The following PTPN11 variants were observed in gnomAD, a reference collection of about 807,000 sequenced individuals.
PTPN11 encodes the protein protein tyrosine phosphatase non-receptor type 11.
In PTPN11, 6 loss-of-function variants were observed where a neutral mutation model predicts 78.8. The observed-to-expected ratio is 0.08, with a 90% CI of 0.04 to 0.15. PTPN11 has a LOEUF of 0.15. Among genes scored for constraint, PTPN11 ranks in the 10% least tolerant of loss-of-function variants. The pLI, the probability that PTPN11 is intolerant of heterozygous loss-of-function variation, is 1.00. For synonymous variants in PTPN11, 221 were observed against 263.5 expected (o/e 0.84, Z 1.56); for missense variants, 386 against 744.8 (o/e 0.52, Z 5.61).
At chr12:112,489,622 A>G (rs2135917355) in intron 13 of PTPN11, among the ~76,000 whole-genome samples, 1 of 152,294 alleles carries the variant, frequency 6.6e-6, no homozygotes, top group African/African-American at 2.4e-5. Context: ...GTGAAATTTC[A>G]ATTTTAATAA....
chr12:112,499,644 A>G (rs1454116945), intron 13 of PTPN11, among the ~76,000 whole-genome samples: 2 of 151,988 alleles, frequency 1.3e-5, no homozygotes, highest in Non-Finnish European at 2.9e-5. Flanking sequence ...CGGCGGGATA[A>G]GTTTTAAAAT....
intron 1 of PTPN11, among the ~76,000 whole-genome samples, chr12:112,427,439 G>A (rs533362313): frequency 1.8e-4 from 28 of 151,770 alleles, no homozygotes; most frequent in South Asian, 1.7e-3. Flanking sequence ...CCAGCTACTC[G>A]GGAGGCTGAG....
chr12:112,489,272 A>C (rs2038717664), intron 13 of PTPN11, 97 bp downstream of exon 13: 1 of 1,437,166 alleles, frequency 7.0e-7, no homozygotes, highest in East Asian at 2.3e-5. Context: ...CTGATAGACA[A>C]CTGTTTGATT....
chr12:112,422,455 C>T (rs2037537289), intron 1 of PTPN11, among the ~76,000 whole-genome samples: 1 of 152,166 alleles, frequency 6.6e-6, no homozygotes, highest in African/African-American at 2.4e-5. Flanking sequence ...TTTTCCAACT[C>T]TTCCTTCAGC....
intron 3 of PTPN11, 102 bp downstream of exon 3, chr12:112,450,614 G>A: frequency 8.6e-7 from 1 of 1,158,704 alleles, no homozygotes; most frequent in Non-Finnish European, 1.3e-6. Flanking sequence ...CCAAAGGCTT[G>A]TGACTGTTTT....
chr12:112,478,145 G>C (rs763664181), intron 9 of PTPN11, 130 bp downstream of exon 9: 41 of 1,073,358 alleles, frequency 3.8e-5, no homozygotes, highest in Non-Finnish European at 5.5e-5. Flanking sequence ...AAGGGACTAG[G>C]AGAAATTTGA....
In PTPN11 at chr12:112,446,338, A is replaced by T. The variant is rs1247363600; in HGVS notation, c.77A>T (p.Asp26Val). 6.2e-7 allele frequency: 1 copy of T among 1,614,146 alleles called. No individual in the cohort carries two copies. The highest frequency in any genetic ancestry group is 8.5e-7 in the Non-Finnish European group (1 of 1,180,002). The change falls in exon 2 of 16, where the codon GAT becomes GTT. Residue 26 changes from aspartate (D) to valine (V), a missense_variant. Physicochemically the swap from Asp to Val is radical, Grantham distance 152. Transcript: ENST00000351677. ...AENLLLTRGVDGSFLARPSKS... is the reference protein window; with the variant it reads ...AENLLLTRGVVGSFLARPSKS... ...AACCTACTGTTGACAAGAGGAGTTG[A>T]TGGCAGTTTTTTGGCAAGGCCTAGT...
intron 1 of PTPN11, among the ~76,000 whole-genome samples, chr12:112,437,752 T>C (rs1395828496): frequency 1.3e-5 from 2 of 152,332 alleles, no homozygotes; most frequent in South Asian, 2.1e-4. Flanking sequence ...TAGAAGTCCA[T>C]TGGGAATCCA....
chr12:112,493,451 C>T (rs1209834769), intron 13 of PTPN11, among the ~76,000 whole-genome samples: 1 of 145,768 alleles, frequency 6.9e-6, no homozygotes, highest in Admixed American at 7.1e-5. Flanking sequence ...GTGGCATGAT[C>T]TTGCCACACT....
At chr12:112,471,502 T>C (rs2038417574) in intron 6 of PTPN11, among the ~76,000 whole-genome samples, 1 of 149,766 alleles carries the variant, frequency 6.7e-6, no homozygotes, top group South Asian at 2.1e-4. Flanking sequence ...CCCTGTCTTA[T>C]TTAAAACAAA....
At chr12:112,499,781 C>G (rs1379953173) in intron 13 of PTPN11, among the ~76,000 whole-genome samples, 3 of 151,482 alleles carry the variant, frequency 2.0e-5, no homozygotes, top group Non-Finnish European at 4.4e-5. Flanking sequence ...GAGACCCCCT[C>G]TCTACAAAAA....
At chr12:112,461,080 A>T (rs2038240357) in intron 6 of PTPN11, among the ~76,000 whole-genome samples, 1 of 151,972 alleles carries the variant, frequency 6.6e-6, no homozygotes, top group African/African-American at 2.4e-5. Flanking sequence ...ACTTCATTGG[A>T]TACAAGTTTT....
At chr12:112,478,556 T>C (rs1039194978) in intron 9 of PTPN11, among the ~76,000 whole-genome samples, 1 of 152,228 alleles carries the variant, frequency 6.6e-6, no homozygotes, top group African/African-American at 2.4e-5. Flanking sequence ...ATAGCTTCTT[T>C]TGCTATGTCT....
intron 1 of PTPN11, among the ~76,000 whole-genome samples, chr12:112,429,575 A>G (rs6489843): frequency 1 from 149,803 of 149,810 alleles, 74,898 homozygotes; most frequent in Middle Eastern, 1. Flanking sequence ...GCTGAGGCGG[A>G]CAGATCACTT....
chr12:112,454,789 T>G (rs772634205), intron 5 of PTPN11, 109 bp downstream of exon 5: 1 of 760,844 alleles, frequency 1.3e-6, no homozygotes, highest in Non-Finnish European at 2.3e-6. Flanking sequence ...TCAGCCTCCA[T>G]GTACCCATTG....
chr12:112,444,069 G>C (rs113378566), intron 1 of PTPN11, among the ~76,000 whole-genome samples: 3,153 of 152,218 alleles, frequency 0.021, 110 homozygotes, highest in African/African-American at 0.072. Flanking sequence ...GGGATTATAG[G>C]CGTGAACCAC....
At chr12:112,470,356 A>C (rs2038395881) in intron 6 of PTPN11, among the ~76,000 whole-genome samples, 1 of 152,144 alleles carries the variant, frequency 6.6e-6, no homozygotes, top group African/African-American at 2.4e-5. Flanking sequence ...CTGTATAGTG[A>C]TGTACATGCA....
chr12:112,488,925 A>C, intron 12 of PTPN11, 99 bp from the exon 13 acceptor site: 3 of 1,499,452 alleles, frequency 2.0e-6, no homozygotes, highest in South Asian at 2.3e-5. Flanking sequence ...AGCAAAGACT[A>C]AATTAGCATT....
chr12:112,435,635 T>A (rs1207530772), intron 1 of PTPN11, among the ~76,000 whole-genome samples: 4 of 149,414 alleles, frequency 2.7e-5, no homozygotes, highest in Non-Finnish European at 5.9e-5. Context: ...AACCTGGGAC[T>A]GTAGGATTAA....
Sources: gnomAD v4.1 joint callset for allele counts (sites outside exome capture counted in the v4.1 genomes callset) on GRCh38, gnomAD v4.1.1 for gene constraint, MANE v1.5 for transcripts, NCBI Gene and HGNC (gene_info 2026-07-23, HGNC 2026-07-21) for gene names.